The following ANKRD11 variants were observed in gnomAD, a reference collection of about 807,000 sequenced individuals.
ANKRD11 encodes ankyrin repeat domain 11.
A neutral mutation model predicts 195.7 loss-of-function variants in ANKRD11; 17 were observed. The ratio of observed to expected loss-of-function variants is 0.09; its 90% CI spans 0.06 to 0.13. The LOEUF (loss-of-function observed/expected upper bound fraction) is 0.13, where lower values mean the gene tolerates loss of function less well. Ranked by LOEUF, ANKRD11 falls within the 10% of genes least tolerant of loss-of-function variation. The pLI, the probability that ANKRD11 is intolerant of heterozygous loss-of-function variation, is 1.00. For missense variants in ANKRD11, 3,735 were observed against 3,566.1 expected (o/e 1.05, Z -1.21); for synonymous variants, 1,953 against 1,528.1 (o/e 1.28, Z -6.49).
In ANKRD11 at chr16:89,279,261, G is replaced by T; in HGVS notation, c.7281C>A (p.Ile2427=). Reference sequence around the variant, plus strand: ...TGGCCCTGTCGCTGTGGTAGGGCTCGATGGCATCCAGCTTGATGGCGTCCA... The same window carrying T: ...TGGCCCTGTCGCTGTGGTAGGGCTCTATGGCATCCAGCTTGATGGCGTCCA... ...AIVDAIKLDA[I]EPYHSDRANP... is the part of the protein sequence containing the mutation. Residue 2427 remains isoleucine (I), a synonymous_variant, in exon 9 of 13, where the codon ATC becomes ATA. Transcript: ENST00000301030. The surrounding 1 kb of genome is among the most constrained non-coding windows in gnomAD (Gnocchi z 5.6). The T allele has an allele frequency of 2.5e-6, 4 of 1,611,804 alleles. No homozygotes were observed. The highest frequency in any genetic ancestry group is 3.4e-6 in the Non-Finnish European group (4 of 1,179,674).
chr16:89,344,613 A>AT (rs2038851886), intron 2 of ANKRD11, among the ~76,000 whole-genome samples: 1 of 152,208 alleles, frequency 6.6e-6, no homozygotes, highest in Non-Finnish European at 1.5e-5. Flanking sequence ...GTCCGGGAGG[A>AT]CACTCCAGGC....
At chr16:89,457,518 A>C (rs1217389351) in intron 1 of ANKRD11, among the ~76,000 whole-genome samples, 1 of 151,076 alleles carries the variant, frequency 6.6e-6, no homozygotes, top group East Asian at 2.0e-4. Context: ...GAATCACTTG[A>C]ACCCGGGAGG....
chr16:89,270,514 AG>A (rs898799680), intron 12 of ANKRD11: 1 of 443,380 alleles, frequency 2.3e-6, no homozygotes, highest in Admixed American at 3.5e-5. Context: ...GGGACCTTAG[AG>A]GGGGCTCACA....
At chr16:89,468,644 T>C (rs1203770760) in intron 1 of ANKRD11, among the ~76,000 whole-genome samples, 1 of 152,022 alleles carries the variant, frequency 6.6e-6, no homozygotes, top group Non-Finnish European at 1.5e-5. Context: ...GAGGCAGAGG[T>C]TGCAGTGAGC....
rs763332544 is a variant in ANKRD11 at position 89,281,089 on chromosome 16, G to A, written c.5453C>T (p.Ala1818Val). 6 of 1,609,252 alleles carry A rather than the reference G, an allele frequency of 3.7e-6. No homozygotes were observed. The South Asian group carries it at 5.5e-5, about 15-fold the overall frequency. The stretch of plus-strand genomic sequence containing the variant: ...TGGCATGGGAGAGTCGTAGCTGGAG[G>A]CAGCAGGAACGCTCTGCTGCCTGAA... ...KLFRQQSVPA[A>V]SSYDSPMPPS... is the part of the protein sequence containing the mutation. Residue 1818 changes from alanine (A) to valine (V), a missense_variant, in exon 9 of 13, where the codon GCC becomes GTC. By Grantham distance (64) the Ala-to-Val change is moderately conservative. Coordinates refer to ENST00000301030, the MANE Select transcript of ANKRD11 (RefSeq NM_013275.6). This position sits in a 1 kb window ranked among gnomAD's most constrained non-coding sequence, Gnocchi z 5.5.
chr16:89,401,385 T>C (rs2041680710), intron 2 of ANKRD11, among the ~76,000 whole-genome samples: 1 of 152,170 alleles, frequency 6.6e-6, no homozygotes, highest in Non-Finnish European at 1.5e-5. Flanking sequence ...ATTAAATTTC[T>C]CTCTTGATTA....
intron 2 of ANKRD11, among the ~76,000 whole-genome samples, chr16:89,328,049 G>A (rs2037827568): frequency 6.6e-6 from 1 of 152,182 alleles, no homozygotes; most frequent in Admixed American, 6.5e-5. Context: ...TAGAAAATAA[G>A]AGAAAACACA....
chr16:89,289,835 G>A (rs1272665809), intron 6 of ANKRD11, among the ~76,000 whole-genome samples: 3 of 152,184 alleles, frequency 2.0e-5, no homozygotes, highest in Non-Finnish European at 4.4e-5. Context: ...GAGGCCATGA[G>A]TTCAAACCAG....
At chr16:89,334,838 G>A (rs1335030508) in intron 2 of ANKRD11, among the ~76,000 whole-genome samples, 2 of 152,108 alleles carry the variant, frequency 1.3e-5, no homozygotes, top group Non-Finnish European at 2.9e-5. Context: ...CACACGGGGC[G>A]CACGTGTCCA....
In ANKRD11 at chr16:89,326,361, A is replaced by C. The variant is rs533687001; in HGVS notation, c.-59-9283T>G. On this transcript the variant is annotated intron_variant, in intron 2 of 12. Coordinates refer to ENST00000301030, the MANE Select transcript of ANKRD11 (RefSeq NM_013275.6). ...GAATGCAGAGGAGGACGGTCTGCAG[A>C]AGGGGACGCAGCCACCGCCCCCCCC... Among the ~76,000 whole-genome samples, 10 of 152,046 alleles carry C rather than the reference A, an allele frequency of 6.6e-5. No individual in the cohort carries two copies. The South Asian group carries it at 2.1e-3, about 32-fold the overall frequency.
At chr16:89,333,550 G>A (rs2038178327) in intron 2 of ANKRD11, among the ~76,000 whole-genome samples, 1 of 152,200 alleles carries the variant, frequency 6.6e-6, no homozygotes, top group Non-Finnish European at 1.5e-5. Context: ...AGCCCCTGGC[G>A]TCACTGATCT....
chr16:89,476,114 T>C (rs2057250818), intron 1 of ANKRD11, among the ~76,000 whole-genome samples: 1 of 148,302 alleles, frequency 6.7e-6, no homozygotes, highest in Non-Finnish European at 1.5e-5. Flanking sequence ...ACAGAAAATA[T>C]GCAAATTATG....
intron 1 of ANKRD11, among the ~76,000 whole-genome samples, chr16:89,430,854 C>T (rs1364505955): frequency 6.6e-6 from 1 of 152,220 alleles, no homozygotes; most frequent in Non-Finnish European, 1.5e-5. Flanking sequence ...CAGTTTCTGT[C>T]TGAGAATCAT....
At chr16:89,336,468 G>T (rs528354106) in intron 2 of ANKRD11, among the ~76,000 whole-genome samples, 1 of 152,350 alleles carries the variant, frequency 6.6e-6, no homozygotes, top group South Asian at 2.1e-4. Flanking sequence ...TGAAGGAGGG[G>T]CCAGACGGAG....
intron 1 of ANKRD11, among the ~76,000 whole-genome samples, chr16:89,437,221 G>A (rs2043252396): frequency 6.6e-6 from 1 of 152,152 alleles, no homozygotes; most frequent in African/African-American, 2.4e-5. Context: ...TATGAAGAGG[G>A]CCAACAACAG....
chr16:89,397,428 C>T (rs2041489558), intron 2 of ANKRD11, among the ~76,000 whole-genome samples: 2 of 152,242 alleles, frequency 1.3e-5, no homozygotes, highest in South Asian at 4.1e-4. Context: ...GGACTCCCAG[C>T]GCCGTACCAC....
At chr16:89,346,250 G>GAAAAA (rs35573539) in intron 2 of ANKRD11, among the ~76,000 whole-genome samples, 1 of 96,836 alleles carries the variant, frequency 1.0e-5, no homozygotes. Context: ...CCCGTCTCAG[G>GAAAAA]AAAAAAAAAA....
At chr16:89,437,094 C>T (rs1283677987) in intron 1 of ANKRD11, among the ~76,000 whole-genome samples, 7 of 152,144 alleles carry the variant, frequency 4.6e-5, no homozygotes, top group Non-Finnish European at 7.3e-5. Context: ...CACACCCAAA[C>T]GGCATCAGCC....
chr16:89,458,850 C>A (rs1168835645), intron 1 of ANKRD11: 3 of 152,384 alleles, frequency 2.0e-5, no homozygotes, highest in Admixed American at 6.5e-5. Context: ...TCCTCTGCGG[C>A]CCCGGCCTCA....
Sources: allele counts gnomAD v4.1 joint callset (sites outside exome capture counted in the v4.1 genomes callset), GRCh38; gene constraint gnomAD v4.1.1; non-coding constraint Gnocchi (gnomAD v3.1); transcripts MANE v1.5; gene names NCBI Gene and HGNC (gene_info 2026-07-23, HGNC 2026-07-21).